VSIG4: variants seen among roughly 807,000 people sequenced by gnomAD.
VSIG4 encodes the protein V-set and immunoglobulin domain containing 4, also known as V-set and immunoglobulin domain-containing protein 4.
In VSIG4, 34 loss-of-function variants were observed where a neutral mutation model predicts 23.4. The ratio of observed to expected loss-of-function variants is 1.45; its 90% confidence interval spans 1.10 to 1.93. The LOEUF is 1.93. Ranked by LOEUF, VSIG4 falls within the 30% of genes most tolerant of loss-of-function variation. VSIG4 has a pLI of 0.00. For synonymous variants in VSIG4, 169 were observed against 120.3 expected, an observed-to-expected ratio of 1.41 and a Z score of -2.65; for missense variants, 433 against 310.8, an observed-to-expected ratio of 1.39 and a Z score of -2.96.
intron 1 of VSIG4, among the ~76,000 whole-genome samples, chrX:66,039,139 G>T (rs2085654590): frequency 8.9e-6 from 1 of 112,061 alleles, no homozygotes; most frequent in South Asian, 3.7e-4. Flanking sequence ...CATGTCTATA[G>T]GGAAGTGAGT....
intron 1 of VSIG4, among the ~76,000 whole-genome samples, chrX:66,036,627 A>C (rs1453642019): frequency 2.5e-5 from 2 of 78,573 alleles, no homozygotes; most frequent in African/African-American, 4.9e-5. Context: ...TAATATATTT[A>C]TAATATAGAT....
chrX:66,037,584 ACTTC>A (rs2085628917), intron 1 of VSIG4, among the ~76,000 whole-genome samples: 1 of 73,991 alleles, frequency 1.4e-5, no homozygotes, highest in Non-Finnish European at 2.3e-5. Flanking sequence ...ATATTATATT[ACTTC>A]CTTTATTATT....
intron 5 of VSIG4, among the ~76,000 whole-genome samples, chrX:66,025,899 A>C (rs1032346072): frequency 1.8e-5 from 2 of 112,409 alleles, no homozygotes; most frequent in Non-Finnish European, 3.8e-5. Context: ...AACCCTCCAA[A>C]GGGAACATAG....
At chrX:66,030,929 A>G (rs2085456956) in intron 3 of VSIG4, among the ~76,000 whole-genome samples, 2 of 110,810 alleles carry the variant, frequency 1.8e-5, no homozygotes, top group Non-Finnish European at 3.8e-5. Flanking sequence ...AGTGAGGTGG[A>G]AGGGTGAAAG....
chrX:66,032,901 G>T, intron 2 of VSIG4, 152 bp from the exon 3 acceptor site: 1 of 611,050 alleles, frequency 1.6e-6, no homozygotes, highest in Non-Finnish European at 2.4e-6. Flanking sequence ...AGAAGGAAAG[G>T]GCAATACAAA....
intron 6 of VSIG4, 77 bp from the exon 7 acceptor site, chrX:66,022,939 G>A (rs986275783): frequency 1.9e-6 from 2 of 1,070,255 alleles, no homozygotes; most frequent in Admixed American, 4.4e-5. Flanking sequence ...CTGGGTACCA[G>A]TCAAAAGATG....
At position 66,040,010 on chromosome X, in the gene VSIG4, C is replaced by G. The variant is rs749900628; in HGVS notation, c.-12G>C. 8.3e-7 allele frequency: 1 copy of G among 1,211,270 alleles called. No individual in the cohort carries two copies. Among genetic ancestry groups the G allele is most frequent in the East Asian group, 3.0e-5 (1 of 33,789 alleles). On this transcript the variant is annotated 5_prime_UTR_variant, in exon 1 of 8. Transcript: ENST00000374737. ...AGTAAGATCCCCATCACAGCCAGAG[C>G]TACTTCTGTCCTTTCTTCCAGCCTC... is the stretch of plus-strand genomic sequence containing the variant.
At chrX:66,023,991 C>T (rs1447262964) in intron 6 of VSIG4, among the ~76,000 whole-genome samples, 2 of 112,410 alleles carry the variant, frequency 1.8e-5, no homozygotes, top group East Asian at 5.6e-4. Context: ...GATAAACATG[C>T]TAACTGGCAA....
Position 66,021,988 on chromosome X carries a change from A to T in VSIG4, c.*275T>A. The T allele has an allele frequency of 9.6e-7, 1 of 1,041,974 alleles. No homozygotes were observed. The highest frequency in any genetic ancestry group is 2.0e-5 in the South Asian group (1 of 49,097). The allele number at this position is 1,041,974 out of a possible 1,213,427, so 85.9% of individuals were successfully genotyped here. ...TCTGTAGGCATGATGACCAAGTCCTAGTGCTATGGGCATCTTCCCTCTGGT... is the reference window on the plus strand; with the variant it reads ...TCTGTAGGCATGATGACCAAGTCCTTGTGCTATGGGCATCTTCCCTCTGGT... On this transcript the variant is annotated 3_prime_UTR_variant, in exon 8 of 8. Transcript: ENST00000374737.
chrX:66,036,945 A>ATTTAT (rs1569245305), intron 1 of VSIG4, among the ~76,000 whole-genome samples: 1 of 33,513 alleles, frequency 3.0e-5, no homozygotes, highest in East Asian at 1.1e-3. Flanking sequence ...ATATTATATG[A>ATTTAT]TATATTATAT....
chrX:66,039,881 C>G (rs933215201), intron 1 of VSIG4, 63 bp downstream of exon 1: 2 of 1,180,020 alleles, frequency 1.7e-6, no homozygotes, highest in Admixed American at 4.4e-5. Context: ...AGACATTAAA[C>G]ACCAACCCTC....
chrX:66,028,978 G>A (rs2085431360), intron 3 of VSIG4, among the ~76,000 whole-genome samples: 1 of 111,782 alleles, frequency 8.9e-6, no homozygotes, highest in African/African-American at 3.3e-5. Flanking sequence ...AAATGGTTGA[G>A]GAATAAGATT....
In VSIG4 at chrX:66,022,832, C is replaced by T. The variant is rs752649332; in HGVS notation, c.962+9G>A. 8.3e-7 allele frequency: 1 copy of T among 1,211,522 alleles called. No individual in the cohort carries two copies. Among genetic ancestry groups the T allele is most frequent in the African/African-American group, 1.7e-5 (1 of 57,763 alleles). On this transcript the variant is annotated intron_variant, in intron 7 of 7. Coordinates refer to ENST00000374737, the MANE Select transcript of VSIG4 (RefSeq NM_007268.3). ...GGGGTCAAAAATGGAAGAGGAGAGA[C>T]TTTCTTACCTGGCTGCTTCGTAGAC...
intron 1 of VSIG4, among the ~76,000 whole-genome samples, chrX:66,035,599 CT>C (rs1763464686): frequency 8.9e-6 from 1 of 111,906 alleles, no homozygotes; most frequent in South Asian, 3.7e-4. Context: ...GTGGGTTTCA[CT>C]GTGCCATAGA....
chrX:66,032,509 C>A lies in VSIG4; in HGVS notation c.653G>T (p.Gly218Val). ...CACAATGTCGCTGTGCTGCTCAGAG[C>A]CAACCTGGCCCTTGGCAGTGCAGAA... is the stretch of plus-strand genomic sequence containing the variant. Reference protein sequence around the residue: ...SYFCTAKGQVGSEQHSDIVKF... With the variant: ...SYFCTAKGQVVSEQHSDIVKF... Residue 218 changes from glycine (G) to valine (V), a missense_variant, in exon 3 of 8, where the codon GGC becomes GTC. Gly to Val is a moderately radical substitution (Grantham distance 109). Coordinates refer to ENST00000374737, the MANE Select transcript of VSIG4 (RefSeq NM_007268.3). 8.3e-7 allele frequency: 1 copy of A among 1,211,882 alleles called. No individual in the cohort carries two copies. The highest frequency in any genetic ancestry group is 2.2e-5 in the Admixed American group (1 of 46,047).
intron 1 of VSIG4, among the ~76,000 whole-genome samples, chrX:66,038,201 C>G (rs1038160296): frequency 1.8e-5 from 2 of 111,818 alleles, no homozygotes; most frequent in African/African-American, 6.5e-5. Context: ...TAGCAGCTTA[C>G]TCTGGCCGCT....
chrX:66,028,333 C>G (rs893609684), intron 3 of VSIG4, among the ~76,000 whole-genome samples: 3 of 111,025 alleles, frequency 2.7e-5, no homozygotes, highest in South Asian at 3.8e-4. Flanking sequence ...CTCGAAGGAA[C>G]CTGTAGCTAG....
chrX:66,037,734 A>T (rs868196233), intron 1 of VSIG4, among the ~76,000 whole-genome samples: 4 of 89,227 alleles, frequency 4.5e-5, no homozygotes, highest in African/African-American at 1.5e-4. Context: ...CTTATTACTA[A>T]GTATATAAAC....
At chrX:66,025,965 C>A (rs2085385597) in intron 5 of VSIG4, among the ~76,000 whole-genome samples, 1 of 111,843 alleles carries the variant, frequency 8.9e-6, no homozygotes, top group South Asian at 3.7e-4. Context: ...AGACTTATTT[C>A]CAGAAGTGGA....
Sources: allele counts gnomAD v4.1 joint callset (sites outside exome capture counted in the v4.1 genomes callset), GRCh38; gene constraint gnomAD v4.1.1; transcripts MANE v1.5; gene names NCBI Gene and HGNC (gene_info 2026-07-23, HGNC 2026-07-21).